The following EEF1AKMT3 variants were observed in gnomAD, a reference collection of about 807,000 sequenced individuals.
The protein encoded by EEF1AKMT3 is EEF1A lysine methyltransferase 3, also known as eEF1A-KMT3.
In EEF1AKMT3, 17 loss-of-function variants were observed where a neutral mutation model predicts 17.8. The observed-to-expected ratio is 0.96, with a 90% CI of 0.65 to 1.43. The LOEUF (loss-of-function observed/expected upper bound fraction) is 1.43. Ranked by LOEUF, EEF1AKMT3 falls within the 40% of genes most tolerant of loss-of-function variation. The pLI is 0.00. For missense variants in EEF1AKMT3, 244 were observed against 285.8 expected (o/e 0.85, Z 1.06); for synonymous variants, 116 against 126.5 (o/e 0.92, Z 0.56).
intron 2 of EEF1AKMT3, chr12:57,774,776 G>A (rs200870567): frequency 2.6e-5 from 41 of 1,601,342 alleles, no homozygotes; most frequent in Non-Finnish European, 3.3e-5. Context: ...AGGTGAGGAG[G>A]AGGTGAACAG....
intron 2 of EEF1AKMT3, among the ~76,000 whole-genome samples, chr12:57,780,016 T>C (rs969317616): frequency 1.3e-5 from 2 of 152,168 alleles, no homozygotes; most frequent in African/African-American, 4.8e-5. Flanking sequence ...CATCTGATTG[T>C]TGTGTGTTGG....
chr12:57,774,491 A>G (rs1480846685), intron 2 of EEF1AKMT3: 2 of 574,998 alleles, frequency 3.5e-6, no homozygotes, highest in Non-Finnish European at 6.4e-6. Context: ...AAAAATAAAA[A>G]AAGGGAAATC....
chr12:57,772,974 G>A lies in EEF1AKMT3; in HGVS notation c.178-43G>A. 6.2e-7 allele frequency: 1 copy of A among 1,613,934 alleles called. No individual in the cohort carries two copies. The highest frequency in any genetic ancestry group is 1.1e-5 in the South Asian group (1 of 91,058). ...CCGGACTCCGCCTCTCCCATATGGA[G>A]CCATCCTCACGACTGTCTTTTTCTC... On this transcript the variant is annotated intron_variant, in intron 1 of 2. Transcript: ENST00000300209. This position sits in a 1 kb window ranked among gnomAD's most constrained non-coding sequence, Gnocchi z 4.1.
rs1179988728 is a variant in EEF1AKMT3, at chr12:57,781,432, G to C, written c.*786G>C. The C allele has an allele frequency of 1.3e-5, 2 of 151,828 alleles. No individual in the cohort carries two copies. The highest frequency in any genetic ancestry group is 2.9e-5 in the Non-Finnish European group (2 of 67,994). The allele number at this position is 151,828 out of a possible 1,614,324, so 9.4% of individuals were successfully genotyped here. On this transcript the variant is annotated 3_prime_UTR_variant, in exon 3 of 3. Transcript: ENST00000300209. Reference sequence around the variant, plus strand: ...GTGCAAGAACCCAACTTTTACTCAGGAGCTGAGAAGGAAGAAGCCTCAAAC... The same window carrying C: ...GTGCAAGAACCCAACTTTTACTCAGCAGCTGAGAAGGAAGAAGCCTCAAAC...
At position 57,772,715 on chromosome 12, in the gene EEF1AKMT3, G is replaced by T; in HGVS notation, c.-10G>T. On this transcript the variant is annotated 5_prime_UTR_variant, in exon 1 of 3. Transcript: ENST00000300209. The surrounding 1 kb of genome is among the most constrained non-coding windows in gnomAD (Gnocchi z 4.1). Reference sequence around the variant, plus strand: ...GGCCGCGGTGCCCAGGCACTCCCTTGGCGGGCCGGATGGCGGACCCCGGCC... The same window carrying T: ...GGCCGCGGTGCCCAGGCACTCCCTTTGCGGGCCGGATGGCGGACCCCGGCC... The T allele has an allele frequency of 6.2e-7, 1 of 1,610,572 alleles. No individual in the cohort carries two copies. The highest frequency in any genetic ancestry group is 8.5e-7 in the Non-Finnish European group (1 of 1,178,076).
In EEF1AKMT3 at chr12:57,780,255, G is replaced by T. The variant is rs113423250; in HGVS notation, c.290G>T (p.Gly97Val). 5.5e-5 allele frequency: 88 copies of T among 1,611,632 alleles called. No homozygotes were observed. The highest frequency in any genetic ancestry group is 1.5e-4 in the African/African-American group (11 of 74,856). Residue 97 changes from glycine to valine, a missense_variant and splice_region_variant, in exon 3 of 3, where the codon GGG becomes GTG. Coordinates refer to ENST00000300209, the MANE Select transcript of EEF1AKMT3 (RefSeq NM_015433.3). ...GIVGILAALQGGDVTITDLPL... is the reference protein window; with the variant it reads ...GIVGILAALQVGDVTITDLPL... Reference sequence around the variant, plus strand: ...ATTTTTCCTCCTTCCTCTCTCTCAGGGGGGGATGTTACCATCACTGACCTG... The same window carrying T: ...ATTTTTCCTCCTTCCTCTCTCTCAGTGGGGGATGTTACCATCACTGACCTG...
intron 2 of EEF1AKMT3, among the ~76,000 whole-genome samples, chr12:57,778,019 CAA>C (rs35823549): frequency 3.0e-4 from 26 of 85,356 alleles, no homozygotes; most frequent in African/African-American, 5.7e-4. Flanking sequence ...GACTCCATCT[CAA>C]AAAAAAAAAA....
Position 57,772,913 on chromosome 12 carries a change from G to C in EEF1AKMT3, c.177+12G>C. 6.2e-7 allele frequency: 1 copy of C among 1,613,670 alleles called. No homozygotes were observed. The highest frequency in any genetic ancestry group is 8.5e-7 in the Non-Finnish European group (1 of 1,179,702). ...GCGTGTGGGACGCGGTGAGGAATGGGCTGCGCCGGGTGAGGGTCCGTGGGA... is the reference window on the plus strand; with the variant it reads ...GCGTGTGGGACGCGGTGAGGAATGGCCTGCGCCGGGTGAGGGTCCGTGGGA... On this transcript the variant is annotated intron_variant, in intron 1 of 2. Coordinates refer to ENST00000300209, the MANE Select transcript of EEF1AKMT3 (RefSeq NM_015433.3). This position sits in a 1 kb window ranked among gnomAD's most constrained non-coding sequence, Gnocchi z 4.1.
intron 2 of EEF1AKMT3, 132 bp downstream of exon 2, chr12:57,773,260 T>C (rs2140406384): frequency 1.2e-6 from 1 of 866,432 alleles, no homozygotes; most frequent in Non-Finnish European, 1.8e-6. Context: ...CAAATTTTTT[T>C]TTAAAATTTG....
chr12:57,773,560 T>G (rs2140406669), intron 2 of EEF1AKMT3, among the ~76,000 whole-genome samples: 1 of 152,316 alleles, frequency 6.6e-6, no homozygotes, highest in East Asian at 1.9e-4. Context: ...CCGAAGTAGC[T>G]GGAATTACAG....
intron 2 of EEF1AKMT3, among the ~76,000 whole-genome samples, chr12:57,773,646 G>A (rs1340194144): frequency 1.3e-5 from 2 of 152,050 alleles, no homozygotes; most frequent in African/African-American, 2.4e-5. Context: ...GGCTGGTCTC[G>A]AACTCCTGAC....
At chr12:57,778,103 C>A (rs932533881) in intron 2 of EEF1AKMT3, among the ~76,000 whole-genome samples, 1 of 151,652 alleles carries the variant, frequency 6.6e-6, no homozygotes, top group African/African-American at 2.4e-5. Context: ...CTTGCATAAC[C>A]TAGTGCCTAC....
intron 2 of EEF1AKMT3, among the ~76,000 whole-genome samples, chr12:57,776,214 T>C (rs1166789737): frequency 4.6e-5 from 7 of 152,210 alleles, no homozygotes; most frequent in Non-Finnish European, 1.0e-4. Context: ...TTCTCTCTTG[T>C]TTTTCTTGGG....
rs1427051609 is a variant in EEF1AKMT3, at chr12:57,780,900, A to G, written c.*254A>G. 5 of 548,018 alleles carry G rather than the reference A, an allele frequency of 9.1e-6. No individual in the cohort carries two copies. The highest frequency in any genetic ancestry group is 6.5e-5 in the East Asian group (2 of 30,814). The allele number at this position is 548,018 out of a possible 1,614,324, so 33.9% of individuals were successfully genotyped here. A position where few individuals can be genotyped will look rare whatever the true frequency, so the allele number is the denominator to read the frequency against. On this transcript the variant is annotated 3_prime_UTR_variant, in exon 3 of 3. Coordinates refer to ENST00000300209, the MANE Select transcript of EEF1AKMT3 (RefSeq NM_015433.3). ...AAGGAGGTTCCTGGCTCCTGTTCTC[A>G]GAGAAGGAGGATGGTAAGGTATCCA...
In EEF1AKMT3 at chr12:57,780,328, A is replaced by C; in HGVS notation, c.363A>C (p.Pro121=). 1 of 1,614,160 alleles carries C rather than the reference A, an allele frequency of 6.2e-7. No homozygotes were observed. The change falls in exon 3 of 3, where the codon CCA becomes CCC. Residue 121 remains proline (P), a synonymous_variant. Coordinates refer to ENST00000300209, the MANE Select transcript of EEF1AKMT3 (RefSeq NM_015433.3). ...AGGGCAACGTCCAGGCCAATGTGCC[A>C]GCTGGAGGCCAGGCCCAGGTGCGTG... ...QIQGNVQANV[P]AGGQAQVRAL...
intron 2 of EEF1AKMT3, chr12:57,774,827 C>A: frequency 6.7e-7 from 1 of 1,500,718 alleles, no homozygotes; most frequent in South Asian, 1.2e-5. Flanking sequence ...GGGTGCCGGC[C>A]GGGCTCGGTG....
intron 2 of EEF1AKMT3, among the ~76,000 whole-genome samples, chr12:57,775,920 A>T (rs1293044307): frequency 6.6e-6 from 1 of 151,900 alleles, no homozygotes; most frequent in African/African-American, 2.4e-5. Context: ...AAATTTCTTA[A>T]ATCTTCTCAT....
At chr12:57,777,145 A>G (rs1480385986) in intron 2 of EEF1AKMT3, among the ~76,000 whole-genome samples, 2 of 152,040 alleles carry the variant, frequency 1.3e-5, no homozygotes, top group Non-Finnish European at 2.9e-5. Flanking sequence ...TGCCTACTCA[A>G]AGACATTGTT....
intron 2 of EEF1AKMT3, 67 bp downstream of exon 2, chr12:57,773,195 G>A: frequency 6.9e-7 from 1 of 1,450,712 alleles, no homozygotes; most frequent in Non-Finnish European, 9.7e-7. Context: ...GTCACTTCGT[G>A]GATCTTTGGG....
Sources: gnomAD v4.1 joint callset for allele counts (sites outside exome capture counted in the v4.1 genomes callset) on GRCh38, gnomAD v4.1.1 for gene constraint, Gnocchi (gnomAD v3.1) non-coding constraint, MANE v1.5 for transcripts, NCBI Gene and HGNC (gene_info 2026-07-23, HGNC 2026-07-21) for gene names.